DAPP1: variants seen among roughly 807,000 people sequenced by gnomAD.
DAPP1 encodes the protein dual adapter for phosphotyrosine and 3-phosphotyrosine and 3-phosphoinositide.
A neutral mutation model predicts 41.5 loss-of-function variants in DAPP1; 20 were observed. That is an observed-to-expected ratio of 0.48 (90% CI 0.34 to 0.70). DAPP1 has a LOEUF of 0.70. Ranked by LOEUF, DAPP1 falls within the 30% of genes least tolerant of loss-of-function variation. DAPP1 has a pLI of 0.01. For missense variants in DAPP1, 233 were observed against 333.4 expected, an observed-to-expected ratio of 0.70 and a Z score of 2.35; for synonymous variants, 113 against 116.2, an observed-to-expected ratio of 0.97 and a Z score of 0.18.
intron 7 of DAPP1, among the ~76,000 whole-genome samples, chr4:99,864,499 C>T (rs921742093): frequency 1.3e-5 from 2 of 151,806 alleles, no homozygotes; most frequent in Non-Finnish European, 2.9e-5. Flanking sequence ...TAGTATGTGT[C>T]TCTTAAGAAT....
At chr4:99,840,881 A>G (rs1465173847) in intron 3 of DAPP1, among the ~76,000 whole-genome samples, 1 of 152,184 alleles carries the variant, frequency 6.6e-6, no homozygotes, top group African/African-American at 2.4e-5. Context: ...GGTTTTTTAA[A>G]TAAGATTTTA....
chr4:99,825,478 T>C (rs1722908578), intron 1 of DAPP1, among the ~76,000 whole-genome samples: 1 of 152,200 alleles, frequency 6.6e-6, no homozygotes. Context: ...TGCCTTTAAC[T>C]CACAGATCAA....
intron 3 of DAPP1, among the ~76,000 whole-genome samples, chr4:99,845,482 G>A (rs1404350975): frequency 6.6e-6 from 1 of 152,228 alleles, no homozygotes; most frequent in African/African-American, 2.4e-5. Flanking sequence ...CCATGGCACA[G>A]CATGGCCTTT....
chr4:99,852,870 C>T (rs1723910964), intron 3 of DAPP1, among the ~76,000 whole-genome samples: 1 of 152,124 alleles, frequency 6.6e-6, no homozygotes, highest in African/African-American at 2.4e-5. Context: ...TTTATGAAAG[C>T]TGTCCTGAAT....
intron 4 of DAPP1, among the ~76,000 whole-genome samples, chr4:99,859,906 C>T (rs1724178233): frequency 6.6e-6 from 1 of 152,178 alleles, no homozygotes; most frequent in Non-Finnish European, 1.5e-5. Context: ...TCCCTGTGCC[C>T]TACTTGGGCT....
At chr4:99,819,591 A>G (rs1460392615) in intron 1 of DAPP1, among the ~76,000 whole-genome samples, 1 of 152,204 alleles carries the variant, frequency 6.6e-6, no homozygotes, top group Non-Finnish European at 1.5e-5. Context: ...GGCGAGATAG[A>G]ATCTCTACCA....
At chr4:99,822,023 C>T (rs1480396800) in intron 1 of DAPP1, among the ~76,000 whole-genome samples, 1 of 152,172 alleles carries the variant, frequency 6.6e-6, no homozygotes, top group Non-Finnish European at 1.5e-5. Context: ...CAGCTTGTTC[C>T]TCTTCTGTGC....
intron 1 of DAPP1, among the ~76,000 whole-genome samples, chr4:99,827,188 G>A (rs1722962075): frequency 6.6e-6 from 1 of 152,142 alleles, no homozygotes; most frequent in African/African-American, 2.4e-5. Context: ...CTGCTCATTA[G>A]CAACTCTTTT....
intron 1 of DAPP1, among the ~76,000 whole-genome samples, chr4:99,833,403 A>G (rs1723188190): frequency 6.6e-6 from 1 of 152,236 alleles, no homozygotes; most frequent in African/African-American, 2.4e-5. Context: ...GCTAAGAAAC[A>G]TGCATTAGGA....
chr4:99,840,041 G>T (rs543850087), intron 2 of DAPP1, among the ~76,000 whole-genome samples: 3 of 152,212 alleles, frequency 2.0e-5, no homozygotes, highest in South Asian at 4.1e-4. Context: ...CAGCCTGGGG[G>T]ACAGAGCAAG....
intron 1 of DAPP1, among the ~76,000 whole-genome samples, chr4:99,819,928 G>C (rs1002065931): frequency 6.6e-6 from 1 of 152,074 alleles, no homozygotes; most frequent in South Asian, 2.1e-4. Flanking sequence ...CTTGCTCAGA[G>C]TACAGGTTTA....
At chr4:99,870,750 G>T (rs1343857745), downstream of DAPP1, among the ~76,000 whole-genome samples, 1 of 152,160 alleles carries the variant, frequency 6.6e-6, no homozygotes, top group Admixed American at 6.5e-5. Flanking sequence ...CAAAGTATTC[G>T]CAGTTATTCT....
intron 3 of DAPP1, among the ~76,000 whole-genome samples, chr4:99,850,191 C>T (rs1472384761): frequency 6.6e-6 from 1 of 152,202 alleles, no homozygotes; most frequent in Admixed American, 6.5e-5. Flanking sequence ...GGGTGGATCA[C>T]CTGAGGTCAC....
chr4:99,832,996 G>T (rs148032049), intron 1 of DAPP1, among the ~76,000 whole-genome samples: 6 of 152,160 alleles, frequency 3.9e-5, no homozygotes, highest in Non-Finnish European at 8.8e-5. Flanking sequence ...TAAATGTTTT[G>T]GAATTTCACA....
At chr4:99,861,542 C>G in intron 4 of DAPP1, 36 bp from the exon 5 acceptor site, 1 of 1,554,838 alleles carries the variant, frequency 6.4e-7, no homozygotes, top group Non-Finnish European at 8.7e-7. Flanking sequence ...CCTGTTGTGA[C>G]AGTTCTGGTC....
intron 2 of DAPP1, among the ~76,000 whole-genome samples, chr4:99,837,416 G>A (rs1426469489): frequency 6.6e-6 from 1 of 152,214 alleles, no homozygotes; most frequent in Non-Finnish European, 1.5e-5. Context: ...GGTAGAGGGT[G>A]ATGGGGTAAG....
rs116074546 is a variant in DAPP1, at chr4:99,848,674, T to A, written c.359-4544T>A. 3.2e-3 allele frequency among the ~76,000 whole-genome samples: 490 copies of A among 152,318 alleles called. 2 individuals are homozygous for A. Among genetic ancestry groups the A allele is most frequent in the African/African-American group, 0.011 (475 of 41,570 alleles). On this transcript the variant is annotated intron_variant, in intron 3 of 8. Transcript: ENST00000512369. ...AGTCAATTGATGTGTCTGTCTTGAT[T>A]CATCTCTGATCGTCTCAGAAGTGTA...
intron 1 of DAPP1, among the ~76,000 whole-genome samples, chr4:99,831,969 AC>A (rs1232332241): frequency 7.8e-6 from 1 of 127,992 alleles, no homozygotes; most frequent in African/African-American, 3.0e-5. Context: ...AGGTAACACA[AC>A]CTTAAAAAAA....
intron 3 of DAPP1, among the ~76,000 whole-genome samples, chr4:99,842,852 C>CTTTTTT (rs1297681743): frequency 1.5e-5 from 2 of 137,656 alleles, no homozygotes; most frequent in Non-Finnish European, 3.1e-5. Flanking sequence ...ATATTTCTTT[C>CTTTTTT]TTTTTTTTTT....
Sources: allele counts gnomAD v4.1 joint callset (sites outside exome capture counted in the v4.1 genomes callset), GRCh38; gene constraint gnomAD v4.1.1; transcripts MANE v1.5; gene names NCBI Gene and HGNC (gene_info 2026-07-23, HGNC 2026-07-21).